The following ESRRG variants were observed in gnomAD, a reference collection of about 807,000 sequenced individuals.
ESRRG encodes estrogen related receptor gamma, also known as estrogen-related receptor gamma.
A neutral mutation model predicts 44.0 loss-of-function variants in ESRRG; 13 were observed. The ratio of observed to expected loss-of-function variants is 0.30; its 90% CI spans 0.19 to 0.47. The LOEUF is 0.47. ESRRG is among the 20% of genes least tolerant of loss of function. The probability of loss-of-function intolerance (pLI) is 1.00; values close to 1 mark genes in which losing one functional copy is unlikely to be tolerated. For missense variants in ESRRG, 395 were observed against 580.6 expected, an observed-to-expected ratio of 0.68 and a Z score of 3.29; for synonymous variants, 215 against 214.6, an observed-to-expected ratio of 1.00 and a Z score of -0.02.
chr1:217,011,575 A>C (rs2078622417), intron 1 of ESRRG, among the ~76,000 whole-genome samples: 2 of 152,086 alleles, frequency 1.3e-5, no homozygotes, highest in Admixed American at 1.3e-4. Context: ...AGGAAATAAA[A>C]AAAACTTCAC....
At chr1:216,536,935 G>C (rs1208315305) in intron 5 of ESRRG, among the ~76,000 whole-genome samples, 1 of 151,998 alleles carries the variant, frequency 6.6e-6, no homozygotes, top group South Asian at 2.1e-4. Context: ...CCCTGGGATG[G>C]GGCATGGGGA....
intron 1 of ESRRG, among the ~76,000 whole-genome samples, chr1:216,695,024 A>G (rs1398532695): frequency 1.3e-5 from 2 of 152,168 alleles, no homozygotes; most frequent in Non-Finnish European, 2.9e-5. Context: ...ATCTTCATTT[A>G]TAATGAAGAT....
At chr1:216,928,632 C>A (rs2062900337) in intron 2 of ESRRG, among the ~76,000 whole-genome samples, 3 of 152,144 alleles carry the variant, frequency 2.0e-5, no homozygotes, top group Non-Finnish European at 2.9e-5. Flanking sequence ...CTGACCATCA[C>A]CCAGGTTACT....
At chr1:216,947,102 T>A (rs924623944) in intron 1 of ESRRG, among the ~76,000 whole-genome samples, 2 of 152,144 alleles carry the variant, frequency 1.3e-5, no homozygotes, top group Admixed American at 6.5e-5. Context: ...ATCACCATTA[T>A]CCACTTCATC....
chr1:217,066,342 C>T (rs1359960211), intron 1 of ESRRG, among the ~76,000 whole-genome samples: 6 of 142,952 alleles, frequency 4.2e-5, no homozygotes, highest in Non-Finnish European at 6.4e-5. Flanking sequence ...TCAAGCTCCG[C>T]CTCCCGGGTT....
intron 1 of ESRRG, chr1:216,707,474 C>T: frequency 1.3e-6 from 2 of 1,533,440 alleles, no homozygotes; most frequent in Non-Finnish European, 1.7e-6. Context: ...ATGATGGGAA[C>T]TTTACATCAG....
chr1:216,717,652 A>C (rs532779105), intron 1 of ESRRG, among the ~76,000 whole-genome samples: 1 of 152,006 alleles, frequency 6.6e-6, no homozygotes, highest in South Asian at 2.1e-4. Context: ...CAATTGCATA[A>C]GTGCTTTCTC....
intron 2 of ESRRG, among the ~76,000 whole-genome samples, chr1:216,814,430 A>C (rs997413185): frequency 6.6e-6 from 1 of 152,212 alleles, no homozygotes; most frequent in African/African-American, 2.4e-5. Flanking sequence ...CAACTTTTTC[A>C]TCTCAAAAAA....
rs546081542 is a variant in ESRRG at position 216,820,717 on chromosome 1, C to T, written c.-14+118865G>A. ...AACAATACATTGCTTTGCAATTAGC[C>T]ACCCGTTCTTATTAGGGTTAATAAA... On this transcript the variant is annotated intron_variant, in intron 2 of 7. Transcript: ENST00000359162. Among the ~76,000 whole-genome samples, 13 of 152,342 alleles carry T rather than the reference C, an allele frequency of 8.5e-5. No individual in the cohort carries two copies. The South Asian group carries it at 2.7e-3, about 32-fold the overall frequency.
Position 216,821,622 on chromosome 1 carries a change from T to C in ESRRG, c.-14+117960A>G, listed in dbSNP as rs1471806858. Among the ~76,000 whole-genome samples, 5 of 148,916 alleles carry C rather than the reference T, an allele frequency of 3.4e-5. No individual in the cohort carries two copies. In the East Asian group the frequency reaches 9.9e-4, roughly 29 times the overall value. ...ACGGCTTGTGCCCAGGAGTTTGAGGTTGGAATGAGCCATGATAACAGCACT... is the reference window on the plus strand; with the variant it reads ...ACGGCTTGTGCCCAGGAGTTTGAGGCTGGAATGAGCCATGATAACAGCACT... On this transcript the variant is annotated intron_variant, in intron 2 of 7. Coordinates refer to the ESRRG transcript ENST00000359162.
At chr1:216,769,688 C>T (rs2093296810) in intron 2 of ESRRG, among the ~76,000 whole-genome samples, 1 of 152,000 alleles carries the variant, frequency 6.6e-6, no homozygotes, top group African/African-American at 2.4e-5. Context: ...GGCACACTAG[C>T]CATAGGGATA....
intron 1 of ESRRG, among the ~76,000 whole-genome samples, chr1:217,127,475 T>G (rs530297910): frequency 6.6e-6 from 1 of 152,326 alleles, no homozygotes; most frequent in African/African-American, 2.4e-5. Flanking sequence ...TTGCTAGACC[T>G]TCCAGTGTTT....
intron 2 of ESRRG, among the ~76,000 whole-genome samples, chr1:216,825,487 AT>A (rs943135619): frequency 2.6e-5 from 4 of 151,762 alleles, no homozygotes; most frequent in Admixed American, 6.6e-5. Context: ...AGCCCTTTGA[AT>A]TTTTTTTTAG....
intron 3 of ESRRG, among the ~76,000 whole-genome samples, chr1:216,606,879 A>C (rs2059999207): frequency 6.6e-6 from 1 of 152,192 alleles, no homozygotes; most frequent in African/African-American, 2.4e-5. Context: ...TCAAGTAGAC[A>C]TGTGTCTACA....
At chr1:216,614,965 T>A (rs2061216044) in intron 3 of ESRRG, among the ~76,000 whole-genome samples, 1 of 152,096 alleles carries the variant, frequency 6.6e-6, no homozygotes, top group South Asian at 2.1e-4. Context: ...GACCTCTATG[T>A]GTGTTGTAAT....
At chr1:216,767,772 T>C (rs1437354957) in intron 2 of ESRRG, among the ~76,000 whole-genome samples, 1 of 152,122 alleles carries the variant, frequency 6.6e-6, no homozygotes, top group Non-Finnish European at 1.5e-5. Flanking sequence ...AACTTAAGTA[T>C]GCATTTGCTC....
chr1:216,557,452 C>T (rs1055653018), intron 5 of ESRRG, among the ~76,000 whole-genome samples: 1 of 152,020 alleles, frequency 6.6e-6, no homozygotes, highest in Admixed American at 6.6e-5. Context: ...AACAAAAAAA[C>T]ACATTAAGTT....
chr1:216,781,280 TAA>T (rs553039826), intron 2 of ESRRG, among the ~76,000 whole-genome samples: 2,215 of 141,978 alleles, frequency 0.016, 59 homozygotes, highest in African/African-American at 0.053. Context: ...ACAACCAAAA[TAA>T]AAAAAAAAAA....
intron 1 of ESRRG, among the ~76,000 whole-genome samples, chr1:217,114,779 C>T (rs1314483138): frequency 1.3e-5 from 2 of 151,464 alleles, no homozygotes; most frequent in Non-Finnish European, 2.9e-5. Flanking sequence ...GCCTCAGCCT[C>T]CCGAGTAGCT....
Sources: allele counts gnomAD v4.1 joint callset (sites outside exome capture counted in the v4.1 genomes callset), GRCh38; gene constraint gnomAD v4.1.1; transcripts MANE v1.5; gene names NCBI Gene and HGNC (gene_info 2026-07-23, HGNC 2026-07-21).